PPIG: variants seen among roughly 807,000 people sequenced by gnomAD.
PPIG encodes peptidyl-prolyl cis-trans isomerase G.
In PPIG, 26 loss-of-function variants were observed where a neutral mutation model predicts 87.9. That is an observed-to-expected ratio of 0.30 (90% CI 0.22 to 0.41). PPIG has a LOEUF of 0.41. Among genes scored for constraint, PPIG ranks in the 10% least tolerant of loss-of-function variants. PPIG has a pLI of 1.00. For synonymous variants in PPIG, 308 were observed against 276.5 expected (o/e 1.11, Z -1.13); for missense variants, 722 against 879.4 (o/e 0.82, Z 2.26).
intron 10 of PPIG, chr2:169,631,507 A>G (rs1168590406): frequency 9.3e-7 from 1 of 1,080,742 alleles, no homozygotes; most frequent in African/African-American, 1.7e-5. Flanking sequence ...TTGCTCACAT[A>G]GTTTCATATT....
chr2:169,614,604 C>A lies in PPIG; in HGVS notation c.427C>A (p.Gln143Lys). The change falls in exon 9 of 14, where the codon CAA (glutamine) becomes AAA (lysine). Residue 143 changes from glutamine (Q) to lysine (K), a missense_variant. This residue lies in a region of PPIG where 99 missense variants were observed against 215.8 expected (regional missense o/e 0.46). Coordinates refer to ENST00000260970, the MANE Select transcript of PPIG (RefSeq NM_004792.3). ...HLDGHHVVFG[Q>K]VISGQEVVRE... is the part of the protein sequence containing the mutation. ...CTTTAGGCATCATGTTGTTTTTGGA[C>A]AAGTAATCTCTGGTCAAGAAGTTGT... 1 of 1,605,468 alleles carries A rather than the reference C, an allele frequency of 6.2e-7. No homozygotes were observed. The highest frequency in any genetic ancestry group is 8.5e-7 in the Non-Finnish European group (1 of 1,177,880).
chr2:169,633,750 C>G (rs1409276128), intron 12 of PPIG, among the ~76,000 whole-genome samples: 1 of 152,086 alleles, frequency 6.6e-6, no homozygotes, highest in Non-Finnish European at 1.5e-5. Context: ...GATACATAAT[C>G]AGCTCCATGT....
intron 2 of PPIG, 134 bp downstream of exon 2, chr2:169,603,828 T>C: frequency 1.7e-6 from 1 of 572,464 alleles, no homozygotes; most frequent in East Asian, 2.9e-5. Flanking sequence ...TCAAGTCTTT[T>C]CTAATTGCTT....
chr2:169,618,631 G>A (rs1474081059), intron 9 of PPIG, among the ~76,000 whole-genome samples: 1 of 152,032 alleles, frequency 6.6e-6, no homozygotes, highest in African/African-American at 2.4e-5. Context: ...ATTTTCTAGT[G>A]TATTTGTGTA....
At chr2:169,628,270 A>G (rs753053679) in intron 9 of PPIG, among the ~76,000 whole-genome samples, 1 of 152,188 alleles carries the variant, frequency 6.6e-6, no homozygotes, top group African/African-American at 2.4e-5. Flanking sequence ...ACACTTGATA[A>G]TGTACCTGTT....
Position 169,639,092 on chromosome 2 carries a change from G to C in PPIG, c.*1569G>C, listed in dbSNP as rs1383548471. The C allele has an allele frequency of 2.0e-5, 3 of 151,984 alleles. No individual in the cohort carries two copies. Among genetic ancestry groups the C allele is most frequent in the Non-Finnish European group, 4.4e-5 (3 of 67,898 alleles). The allele number at this position is 151,984 out of a possible 1,614,324, so 9.4% of individuals were successfully genotyped here. On this transcript the variant is annotated 3_prime_UTR_variant, in exon 14 of 14. Transcript: ENST00000260970. ...ATTTGGCGTTGTGGTAGCTGTTGCA[G>C]AATGAATAGTGTAATGACCATAAGA... is the stretch of plus-strand genomic sequence containing the variant.
chr2:169,596,891 A>G (rs1402392866), intron 1 of PPIG, among the ~76,000 whole-genome samples: 1 of 151,960 alleles, frequency 6.6e-6, no homozygotes, highest in Non-Finnish European at 1.5e-5. Context: ...TAGTAGAGAC[A>G]GGATTTCACC....
chr2:169,619,515 G>A (rs181267860), intron 9 of PPIG, among the ~76,000 whole-genome samples: 101 of 152,270 alleles, frequency 6.6e-4, no homozygotes, highest in Non-Finnish European at 1.1e-3. Context: ...AAGTCTCTTT[G>A]TAGGTCTCTA....
chr2:169,633,112 C>A, intron 11 of PPIG, 48 bp from the exon 12 acceptor site: 2 of 1,407,468 alleles, frequency 1.4e-6, no homozygotes, highest in Non-Finnish European at 2.0e-6. Context: ...GTCTGGCCAA[C>A]AAAAGTTTTT....
intron 1 of PPIG, among the ~76,000 whole-genome samples, chr2:169,596,817 A>G (rs1011853497): frequency 9.2e-5 from 14 of 152,126 alleles, no homozygotes; most frequent in African/African-American, 2.2e-4. Context: ...CTCCTGCCTC[A>G]GCCTCCTGAG....
At chr2:169,595,240 T>G (rs548175844) in intron 1 of PPIG, among the ~76,000 whole-genome samples, 1 of 152,252 alleles carries the variant, frequency 6.6e-6, no homozygotes, top group South Asian at 2.1e-4. Context: ...TATAGTAAGT[T>G]TTTTCAGTGT....
intron 1 of PPIG, among the ~76,000 whole-genome samples, chr2:169,600,698 A>G (rs1032185664): frequency 6.6e-6 from 1 of 152,154 alleles, no homozygotes; most frequent in African/African-American, 2.4e-5. Flanking sequence ...AAAAAAATAT[A>G]TAATTGAAGA....
chr2:169,626,134 A>G (rs1375252930), intron 9 of PPIG, among the ~76,000 whole-genome samples: 1 of 152,174 alleles, frequency 6.6e-6, no homozygotes, highest in Admixed American at 6.5e-5. Flanking sequence ...TGTGACTTTG[A>G]GAAGGATACA....
chr2:169,636,360 T>C, intron 13 of PPIG, 53 bp from the exon 14 acceptor site: 1 of 1,473,298 alleles, frequency 6.8e-7, no homozygotes, highest in Non-Finnish European at 9.1e-7. Context: ...GCTAATAATA[T>C]CTACAGTTCT....
At chr2:169,604,142 A>G (rs1365718327) in intron 3 of PPIG, 40 bp downstream of exon 3, 27 of 1,608,076 alleles carry the variant, frequency 1.7e-5, no homozygotes, top group Non-Finnish European at 2.2e-5. Flanking sequence ...GGTGTTTAAT[A>G]TTTTAAATTA....
intron 1 of PPIG, among the ~76,000 whole-genome samples, chr2:169,587,186 G>A (rs1041264671): frequency 1.3e-5 from 2 of 151,602 alleles, no homozygotes; most frequent in Non-Finnish European, 1.5e-5. Flanking sequence ...ATCCGCCTCC[G>A]CCTCCCAAAG....
intron 9 of PPIG, among the ~76,000 whole-genome samples, chr2:169,624,452 C>A (rs948186309): frequency 6.6e-6 from 1 of 152,100 alleles, no homozygotes; most frequent in African/African-American, 2.4e-5. Context: ...CTTTGTAATT[C>A]TTTTTCATCC....
At chr2:169,634,038 A>G (rs1249669324) in intron 12 of PPIG, among the ~76,000 whole-genome samples, 1 of 151,918 alleles carries the variant, frequency 6.6e-6, no homozygotes, top group East Asian at 1.9e-4. Context: ...CATGTTGGCC[A>G]GGCTGGTCTC....
chr2:169,604,082 T>C lies in PPIG; in HGVS notation c.41T>C (p.Ile14Thr). 1 of 1,613,828 alleles carries C rather than the reference T, an allele frequency of 6.2e-7. No homozygotes were observed. The highest frequency in any genetic ancestry group is 8.5e-7 in the Non-Finnish European group (1 of 1,179,754). The change falls in exon 3 of 14, where the codon ATT (isoleucine) becomes ACT (threonine). Residue 14 changes from isoleucine (I) to threonine (T), a missense_variant. Around this residue, in one of 4 missense-constraint regions of PPIG, gnomAD observed 99 missense variants for 215.8 expected, o/e 0.46. Transcript: ENST00000260970. The part of the protein sequence containing the change: ...KVQRPRCFFD[I>T]AINNQPAGRV... Reference sequence around the variant, plus strand: ...CAACGTCCTCGATGTTTTTTTGACATTGCCATTAACAATCAACCTGGTAAG... The same window carrying C: ...CAACGTCCTCGATGTTTTTTTGACACTGCCATTAACAATCAACCTGGTAAG...
Sources: gnomAD v4.1 joint callset for allele counts (sites outside exome capture counted in the v4.1 genomes callset) on GRCh38, gnomAD v4.1.1 for gene constraint, gnomAD v4.1.1 regional missense constraint, MANE v1.5 for transcripts, NCBI Gene and HGNC (gene_info 2026-07-23, HGNC 2026-07-21) for gene names.